The following DCDC1 variants were observed in gnomAD, a reference collection of about 807,000 sequenced individuals.
DCDC1 encodes the protein doublecortin domain containing 1, also known as doublecortin domain-containing protein 1.
DCDC1 carries 200 observed loss-of-function variants against 178.3 expected under a neutral mutation model. That is an observed-to-expected ratio of 1.12 (90% CI 1.00 to 1.26). DCDC1 has a LOEUF of 1.26. DCDC1 is among the 50% of genes most tolerant of loss of function. The pLI is 0.00. For synonymous variants in DCDC1, 690 were observed against 604.8 expected, an observed-to-expected ratio of 1.14 and a Z score of -2.07; for missense variants, 1,983 against 1,749.2, an observed-to-expected ratio of 1.13 and a Z score of -2.38.
chr11:31,295,094 G>A (rs750075877), intron 6 of DCDC1, among the ~76,000 whole-genome samples: 9 of 152,120 alleles, frequency 5.9e-5, no homozygotes, highest in Non-Finnish European at 8.8e-5. Context: ...GCTCAAGTCC[G>A]TTATATAAAA....
At chr11:31,096,454 A>G (rs1958158306) in intron 15 of DCDC1, among the ~76,000 whole-genome samples, 1 of 152,200 alleles carries the variant, frequency 6.6e-6, no homozygotes, top group Non-Finnish European at 1.5e-5. Flanking sequence ...CATACAGCCA[A>G]CTGCTTCTTT....
rs537956197 is a variant in DCDC1, at chr11:31,186,881, G to A, written c.1222-49097C>T. On this transcript the variant is annotated intron_variant, in intron 9 of 38. Transcript: ENST00000684477. ...TCTGTTGCAAATCTGTGGCCAGTTT[G>A]GTAATGCATCCCTTTGAATTGGCTT... 4.6e-5 allele frequency among the ~76,000 whole-genome samples: 7 copies of A among 152,228 alleles called. No homozygotes were observed. In the South Asian group the frequency reaches 1.5e-3, roughly 32 times the overall value.
chr11:31,127,417 A>G, intron 11 of DCDC1, 52 bp downstream of exon 11: 1 of 664,292 alleles, frequency 1.5e-6, no homozygotes. Flanking sequence ...CAAATGGAGC[A>G]GAATGCTTCT....
chr11:30,988,727 C>T (rs144130162), intron 20 of DCDC1, among the ~76,000 whole-genome samples: 10 of 151,934 alleles, frequency 6.6e-5, no homozygotes, highest in Non-Finnish European at 1.2e-4. Context: ...AGAAAAAAAA[C>T]GCAAAAAAAT....
At chr11:30,909,629 A>G (rs1945308965) in intron 28 of DCDC1, among the ~76,000 whole-genome samples, 1 of 152,122 alleles carries the variant, frequency 6.6e-6, no homozygotes, top group Non-Finnish European at 1.5e-5. Context: ...TTTACCTTGC[A>G]CTTGTGCCAA....
chr11:30,941,965 C>A (rs1947679237), intron 21 of DCDC1, among the ~76,000 whole-genome samples: 1 of 152,052 alleles, frequency 6.6e-6, no homozygotes, highest in African/African-American at 2.4e-5. Flanking sequence ...AACATGTTAA[C>A]AACAGCGACA....
At chr11:31,165,660 T>G (rs974727783) in intron 9 of DCDC1, among the ~76,000 whole-genome samples, 1 of 152,218 alleles carries the variant, frequency 6.6e-6, no homozygotes, top group African/African-American at 2.4e-5. Context: ...TACATGTCCT[T>G]GATCATTTTC....
At chr11:30,912,746 C>A (rs76839481) in intron 27 of DCDC1, among the ~76,000 whole-genome samples, 2,878 of 152,190 alleles carry the variant, frequency 0.019, 89 homozygotes, top group African/African-American at 0.065. Context: ...GGAGGGGACC[C>A]CATTGCAAGT....
At chr11:30,963,278 C>A (rs561802268) in intron 20 of DCDC1, among the ~76,000 whole-genome samples, 5 of 152,172 alleles carry the variant, frequency 3.3e-5, no homozygotes, top group Middle Eastern at 3.4e-3. Flanking sequence ...AGACAGAGTT[C>A]GAGCTAGAAG....
intron 20 of DCDC1, among the ~76,000 whole-genome samples, chr11:31,017,993 G>A (rs1952599818): frequency 6.6e-6 from 1 of 152,058 alleles, no homozygotes; most frequent in Middle Eastern, 3.2e-3. Context: ...TCATGATACA[G>A]AAGTTCTAAG....
At chr11:31,338,647 T>C (rs533579683) in intron 1 of DCDC1, among the ~76,000 whole-genome samples, 1 of 152,284 alleles carries the variant, frequency 6.6e-6, no homozygotes, top group East Asian at 1.9e-4. Context: ...TAAGCAGAAG[T>C]GGCATATGTG....
At chr11:31,026,765 T>C (rs1953267740) in intron 20 of DCDC1, among the ~76,000 whole-genome samples, 2 of 151,878 alleles carry the variant, frequency 1.3e-5, no homozygotes, top group South Asian at 4.1e-4. Flanking sequence ...TATCTTCATA[T>C]ATAAATGCCA....
At chr11:31,130,688 T>C (rs1375626783) in intron 10 of DCDC1, among the ~76,000 whole-genome samples, 1 of 152,178 alleles carries the variant, frequency 6.6e-6, no homozygotes, top group East Asian at 1.9e-4. Flanking sequence ...ATATAACTTA[T>C]ATAGTAGGTT....
chr11:30,870,577 G>A (rs1324758004), intron 38 of DCDC1, among the ~76,000 whole-genome samples: 8 of 152,182 alleles, frequency 5.3e-5, no homozygotes, highest in Admixed American at 5.2e-4. Context: ...GACAAAAAGG[G>A]TTTGACACTG....
chr11:30,941,932 T>G (rs561990688), intron 21 of DCDC1, among the ~76,000 whole-genome samples: 1 of 152,280 alleles, frequency 6.6e-6, no homozygotes, highest in East Asian at 1.9e-4. Flanking sequence ...CTTTATATTT[T>G]TACTAGAATA....
chr11:31,279,668 T>C (rs1489978757), intron 7 of DCDC1, among the ~76,000 whole-genome samples: 2 of 152,040 alleles, frequency 1.3e-5, no homozygotes, highest in African/African-American at 2.4e-5. Flanking sequence ...TTCTCACTCA[T>C]AGGTGAGAGC....
intron 3 of DCDC1, among the ~76,000 whole-genome samples, chr11:31,312,353 C>A (rs1014724647): frequency 3.3e-5 from 5 of 152,112 alleles, no homozygotes; most frequent in African/African-American, 1.2e-4. Flanking sequence ...GATGAGTAAA[C>A]CAAGGGCTTA....
At chr11:31,029,303 A>G (rs1472796050) in intron 20 of DCDC1, among the ~76,000 whole-genome samples, 1 of 151,982 alleles carries the variant, frequency 6.6e-6, no homozygotes, top group Non-Finnish European at 1.5e-5. Context: ...CCAGGAGTGG[A>G]AAAAAAATAC....
chr11:30,874,940 A>G (rs1056718193), intron 38 of DCDC1, among the ~76,000 whole-genome samples: 9 of 152,136 alleles, frequency 5.9e-5, no homozygotes, highest in South Asian at 4.1e-4. Context: ...CAGAATCACC[A>G]TTTTACTTGC....
Sources: gnomAD v4.1 joint callset for allele counts (sites outside exome capture counted in the v4.1 genomes callset) on GRCh38, gnomAD v4.1.1 for gene constraint, MANE v1.5 for transcripts, NCBI Gene and HGNC (gene_info 2026-07-23, HGNC 2026-07-21) for gene names.